MECOM: variants seen among roughly 807,000 people sequenced by gnomAD.
MECOM encodes the protein MDS1 and EVI1 complex locus.
In MECOM, 13 loss-of-function variants were observed where a neutral mutation model predicts 116.3. The observed-to-expected ratio is 0.11, with a 90% CI of 0.07 to 0.18. The LOEUF (loss-of-function observed/expected upper bound fraction) is 0.18, where lower values mean the gene tolerates loss of function less well. MECOM is among the 10% of genes least tolerant of loss of function. The pLI is 1.00. For synonymous variants in MECOM, 528 were observed against 535.2 expected, an observed-to-expected ratio of 0.99 and a Z score of 0.19; for missense variants, 1,299 against 1,509.0, an observed-to-expected ratio of 0.86 and a Z score of 2.31.
chr3:169,631,117 A>T (rs772991350), intron 1 of MECOM, among the ~76,000 whole-genome samples: 27 of 152,270 alleles, frequency 1.8e-4, no homozygotes, highest in Non-Finnish European at 3.8e-4. Context: ...CCTTGGGATC[A>T]GTGCCCTGGC....
chr3:169,163,289 T>C (rs970010658), intron 2 of MECOM, among the ~76,000 whole-genome samples: 9 of 152,162 alleles, frequency 5.9e-5, no homozygotes, highest in African/African-American at 2.2e-4. Flanking sequence ...CATGTACTCC[T>C]TCTTTCAGAA....
At chr3:169,496,156 G>A (rs1753782722) in intron 1 of MECOM, among the ~76,000 whole-genome samples, 1 of 152,170 alleles carries the variant, frequency 6.6e-6, no homozygotes, top group Admixed American at 6.5e-5. Context: ...GTGGCCAGTG[G>A]CAGAATTTCT....
chr3:169,164,890 C>A (rs983090683), intron 2 of MECOM, among the ~76,000 whole-genome samples: 1 of 152,092 alleles, frequency 6.6e-6, no homozygotes, highest in Non-Finnish European at 1.5e-5. Flanking sequence ...GTACTTTTAT[C>A]ATCAAAAAGC....
intron 2 of MECOM, among the ~76,000 whole-genome samples, chr3:169,232,619 A>G (rs181758546): frequency 1.3e-4 from 20 of 150,526 alleles, no homozygotes; most frequent in African/African-American, 4.6e-4. Context: ...CCCATTTTAC[A>G]TAGGAATCCA....
chr3:169,227,451 A>C (rs1752871696), intron 2 of MECOM, among the ~76,000 whole-genome samples: 2 of 152,204 alleles, frequency 1.3e-5, no homozygotes, highest in Admixed American at 1.3e-4. Flanking sequence ...AATGCCCTAT[A>C]GAGTAAATGT....
intron 2 of MECOM, among the ~76,000 whole-genome samples, chr3:169,169,187 G>A (rs947116336): frequency 1.3e-5 from 2 of 151,982 alleles, no homozygotes; most frequent in South Asian, 2.1e-4. Context: ...TGTTTTCTAC[G>A]TTATCATTTA....
chr3:169,164,444 G>A (rs1283901567), intron 2 of MECOM, among the ~76,000 whole-genome samples: 1 of 152,004 alleles, frequency 6.6e-6, no homozygotes, highest in Non-Finnish European at 1.5e-5. Context: ...TTTATCAGCG[G>A]CATGAAAACC....
intron 1 of MECOM, among the ~76,000 whole-genome samples, chr3:169,461,769 T>C (rs939084891): frequency 1.3e-5 from 2 of 152,142 alleles, no homozygotes; most frequent in Non-Finnish European, 2.9e-5. Context: ...GATAAAGTAG[T>C]TCTTTAACCT....
At chr3:169,393,141 G>A (rs186418751) in intron 1 of MECOM, among the ~76,000 whole-genome samples, 3 of 152,226 alleles carry the variant, frequency 2.0e-5, no homozygotes, top group African/African-American at 4.8e-5. Flanking sequence ...ACTCCCACCA[G>A]CCTACAAATG....
intron 1 of MECOM, among the ~76,000 whole-genome samples, chr3:169,416,138 C>T (rs959730752): frequency 7.2e-5 from 11 of 152,168 alleles, no homozygotes; most frequent in African/African-American, 2.7e-4. Context: ...AAACACTCCT[C>T]AGCAAATGCA....
chr3:169,498,832 T>C (rs1177098004), intron 1 of MECOM, among the ~76,000 whole-genome samples: 1 of 152,224 alleles, frequency 6.6e-6, no homozygotes, highest in African/African-American at 2.4e-5. Context: ...TGTTTACAAT[T>C]CTCTAAGAGG....
intron 1 of MECOM, among the ~76,000 whole-genome samples, chr3:169,628,190 C>T (rs892023804): frequency 6.6e-6 from 1 of 152,212 alleles, no homozygotes; most frequent in Admixed American, 6.5e-5. Flanking sequence ...GCTCCAACTG[C>T]TGGTTTTACA....
At chr3:169,191,046 G>T (rs998086302) in intron 2 of MECOM, among the ~76,000 whole-genome samples, 1 of 151,932 alleles carries the variant, frequency 6.6e-6, no homozygotes, top group South Asian at 2.1e-4. Context: ...TTCCCATCTG[G>T]GATGCTGACT....
At chr3:169,367,466 C>G (rs1372102808) in intron 2 of MECOM, among the ~76,000 whole-genome samples, 1 of 151,792 alleles carries the variant, frequency 6.6e-6, no homozygotes, top group African/African-American at 2.4e-5. Context: ...AAGAAAGCAT[C>G]AGGTATCAAA....
At chr3:169,098,884 G>T (rs1470506196) in intron 12 of MECOM, among the ~76,000 whole-genome samples, 1 of 151,982 alleles carries the variant, frequency 6.6e-6, no homozygotes, top group Non-Finnish European at 1.5e-5. Context: ...TGCAAAGATA[G>T]TACATAGTAC....
At chr3:169,624,072 G>C (rs1190057930) in intron 1 of MECOM, 1 of 152,052 alleles carries the variant, frequency 6.6e-6, no homozygotes, top group Non-Finnish European at 1.5e-5. Context: ...GACCTTTAAC[G>C]GTCATCAAAT....
At chr3:169,586,528 G>A (rs79869639) in intron 1 of MECOM, among the ~76,000 whole-genome samples, 2,330 of 152,158 alleles carry the variant, frequency 0.015, 45 homozygotes, top group African/African-American at 0.052. Context: ...TAAGGCTCAG[G>A]CTAATGAAAT....
At chr3:169,372,256 A>C (rs1730264473) in intron 2 of MECOM, among the ~76,000 whole-genome samples, 1 of 152,226 alleles carries the variant, frequency 6.6e-6, no homozygotes, top group Admixed American at 6.5e-5. Context: ...ATGAACACAA[A>C]GCCGGGTCTG....
At chr3:169,644,520 G>T (rs1291600446) in intron 1 of MECOM, among the ~76,000 whole-genome samples, 1 of 152,042 alleles carries the variant, frequency 6.6e-6, no homozygotes, top group African/African-American at 2.4e-5. Context: ...CCCTCCCAAA[G>T]TGCTGGGATT....
Sources: allele counts gnomAD v4.1 joint callset (sites outside exome capture counted in the v4.1 genomes callset), GRCh38; gene constraint gnomAD v4.1.1; transcripts MANE v1.5; gene names NCBI Gene and HGNC (gene_info 2026-07-23, HGNC 2026-07-21).